Variants in TIA1 observed in about 807,000 individuals in gnomAD.
TIA1 encodes the protein TIA1 cytotoxic granule associated RNA binding protein.
A neutral mutation model predicts 65.9 loss-of-function variants in TIA1; 23 were observed. The ratio of observed to expected loss-of-function variants is 0.35; its 90% CI spans 0.25 to 0.49. TIA1 has a LOEUF of 0.49. Among genes scored for constraint, TIA1 ranks in the 20% least tolerant of loss-of-function variants. TIA1 has a pLI of 0.98. For missense variants in TIA1, 371 were observed against 477.9 expected (o/e 0.78, Z 2.09); for synonymous variants, 147 against 149.4 (o/e 0.98, Z 0.12).
chr2:70,244,371 GCCTATTA>G (rs1199583733), intron 1 of TIA1, among the ~76,000 whole-genome samples: 1 of 152,056 alleles, frequency 6.6e-6, no homozygotes, highest in Non-Finnish European at 1.5e-5. Flanking sequence ...TTCGTAAAAG[GCCTATTA>G]TATGTACTAC....
chr2:70,226,158 A>C (rs1683703276), intron 6 of TIA1, among the ~76,000 whole-genome samples: 1 of 152,156 alleles, frequency 6.6e-6, no homozygotes, highest in Non-Finnish European at 1.5e-5. Context: ...CCAAGAAAAA[A>C]AAAGTATACA....
At chr2:70,229,378 G>C (rs1573505505) in intron 3 of TIA1, 60 bp from the exon 4 acceptor site, 1 of 1,410,998 alleles carries the variant, frequency 7.1e-7, no homozygotes, top group Non-Finnish European at 9.9e-7. Flanking sequence ...AATCACATTT[G>C]TATCTATAAA....
chr2:70,230,968 T>C (rs1686005513), intron 2 of TIA1, 114 bp from the exon 3 acceptor site: 2 of 699,018 alleles, frequency 2.9e-6, no homozygotes, highest in Non-Finnish European at 2.4e-6. Flanking sequence ...TATCAGGCCA[T>C]GGAGAATGAA....
At position 70,218,973 on chromosome 2, in the gene TIA1, G is replaced by C. The variant is rs72902468; in HGVS notation, c.475-1979C>G. The stretch of plus-strand genomic sequence containing the variant: ...TAGGTTCCTCTAGAGAAATTGGAAA[G>C]ACAGCATTTATTGAAATGCGGAGAA... On this transcript the variant is annotated intron_variant, in intron 7 of 12. Coordinates refer to ENST00000433529, the MANE Select transcript of TIA1 (RefSeq NM_022173.4). Among the ~76,000 whole-genome samples, 1,049 of 152,324 alleles carry C rather than the reference G, an allele frequency of 6.9e-3. 13 individuals carry two copies. The highest frequency in any genetic ancestry group is 0.024 in the African/African-American group (1,011 of 41,578).
At chr2:70,223,872 G>A (rs761819127) in intron 7 of TIA1, among the ~76,000 whole-genome samples, 36 of 151,976 alleles carry the variant, frequency 2.4e-4, no homozygotes, top group Non-Finnish European at 4.4e-4. Context: ...CACTGTGCCC[G>A]GGTAATATTT....
rs573586044 is a variant in TIA1, at chr2:70,227,245, T to TA, written c.398+489dup. On this transcript the variant is annotated intron_variant, in intron 6 of 12. Transcript: ENST00000433529. The stretch of plus-strand genomic sequence containing the variant: ...AAGGCAGTGCTTCATAAAATATTAT[T>TA]AAGGCACTATTATTGTTAGCAGTTT... Among the ~76,000 whole-genome samples the TA allele has an allele frequency of 6.4e-4, 97 of 152,286 alleles. 2 individuals are homozygous for TA. The East Asian group carries it at 0.018, about 28-fold the overall frequency.
At chr2:70,248,304 C>T (rs1695395192) in intron 1 of TIA1, 101 bp downstream of exon 1, 5 of 1,348,972 alleles carry the variant, frequency 3.7e-6, no homozygotes, top group South Asian at 1.4e-5. Context: ...CACGATATCG[C>T]GGTGTCCACG....
In TIA1 at chr2:70,211,725, A is replaced by T. The variant is rs1676537874; in HGVS notation, c.*994T>A. The T allele has an allele frequency of 6.6e-6, 1 of 152,664 alleles. No homozygotes were observed. The highest frequency in any genetic ancestry group is 1.5e-5 in the Non-Finnish European group (1 of 68,042). The allele number at this position is 152,664 out of a possible 1,614,324, so 9.5% of individuals were successfully genotyped here. On this transcript the variant is annotated 3_prime_UTR_variant, in exon 13 of 13. Coordinates refer to ENST00000433529, the MANE Select transcript of TIA1 (RefSeq NM_022173.4). ...ATGTATTTGATTTTCACATGCAAAC[A>T]ACTTAAAACCTTATAAATCTCATGT...
chr2:70,227,698 C>A, intron 6 of TIA1, 37 bp downstream of exon 6: 1 of 1,370,502 alleles, frequency 7.3e-7, no homozygotes, highest in South Asian at 1.3e-5. Context: ...ATAATTGTTT[C>A]TAATTAAAAG....
At position 70,211,757 on chromosome 2, in the gene TIA1, T is replaced by A. The variant is rs1039262123; in HGVS notation, c.*962A>T. On this transcript the variant is annotated 3_prime_UTR_variant, in exon 13 of 13. Coordinates refer to ENST00000433529, the MANE Select transcript of TIA1 (RefSeq NM_022173.4). Reference sequence around the variant, plus strand: ...AACCTTATAAATCTCATGTCAACTCTGCATGATGCCTTGAAGGAAATGACA... The same window carrying A: ...AACCTTATAAATCTCATGTCAACTCAGCATGATGCCTTGAAGGAAATGACA... The A allele has an allele frequency of 3.3e-5, 5 of 152,652 alleles. No homozygotes were observed. Among genetic ancestry groups the A allele is most frequent in the African/African-American group, 9.6e-5 (4 of 41,466 alleles). 9.5% of individuals were successfully genotyped at this position (152,652 alleles called of 1,614,324 possible).
intron 7 of TIA1, among the ~76,000 whole-genome samples, chr2:70,221,525 G>A (rs941514603): frequency 6.6e-6 from 1 of 151,970 alleles, no homozygotes; most frequent in Non-Finnish European, 1.5e-5. Context: ...AGAAGGAATA[G>A]AGTGATGACA....
chr2:70,211,759 C>T lies in TIA1; in HGVS notation c.*960G>A, dbSNP rs756381096. 2 of 152,610 alleles carry T rather than the reference C, an allele frequency of 1.3e-5. No individual in the cohort carries two copies. Among genetic ancestry groups the T allele is most frequent in the Non-Finnish European group, 2.9e-5 (2 of 68,036 alleles). 9.5% of individuals were successfully genotyped at this position (152,610 alleles called of 1,614,324 possible). A position where few individuals can be genotyped will look rare whatever the true frequency, so the allele number is the denominator to read the frequency against. ...CCTTATAAATCTCATGTCAACTCTG[C>T]ATGATGCCTTGAAGGAAATGACATA... On this transcript the variant is annotated 3_prime_UTR_variant, in exon 13 of 13. Coordinates refer to ENST00000433529, the MANE Select transcript of TIA1 (RefSeq NM_022173.4).
intron 2 of TIA1, 62 bp downstream of exon 2, chr2:70,236,017 A>G: frequency 2.1e-6 from 2 of 973,808 alleles, no homozygotes; most frequent in Non-Finnish European, 3.1e-6. Flanking sequence ...CCTTCCAAGC[A>G]ATGGCTTTAA....
intron 7 of TIA1, among the ~76,000 whole-genome samples, chr2:70,218,568 G>A (rs932017347): frequency 6.6e-6 from 1 of 152,080 alleles, no homozygotes; most frequent in Non-Finnish European, 1.5e-5. Context: ...CACCAAGCCC[G>A]GCTAATTTTT....
At chr2:70,216,322 T>C in intron 9 of TIA1, 30 bp from the exon 10 acceptor site, 1 of 1,577,854 alleles carries the variant, frequency 6.3e-7, no homozygotes, top group Non-Finnish European at 8.6e-7. Context: ...AACAAACAAA[T>C]CACACTAAGT....
intron 12 of TIA1, 123 bp from the exon 13 acceptor site, chr2:70,212,968 A>C: frequency 1.5e-6 from 1 of 667,414 alleles, no homozygotes; most frequent in East Asian, 2.7e-5. Context: ...CTTAATCCCA[A>C]ATAGAATAAT....
chr2:70,213,349 T>C (rs1558743628), intron 12 of TIA1, among the ~76,000 whole-genome samples: 1 of 151,216 alleles, frequency 6.6e-6, no homozygotes, highest in African/African-American at 2.4e-5. Flanking sequence ...TCTTTTCTTT[T>C]TTTTTTTTTT....
intron 2 of TIA1, among the ~76,000 whole-genome samples, chr2:70,233,526 T>C (rs942384287): frequency 2.6e-5 from 4 of 152,204 alleles, no homozygotes; most frequent in Middle Eastern, 3.4e-3. Context: ...CCCAGCACTT[T>C]GGGAAGCTGG....
chr2:70,219,239 GGGA>G (rs35977949), intron 7 of TIA1, among the ~76,000 whole-genome samples: 9,317 of 152,208 alleles, frequency 0.061, 355 homozygotes, highest in East Asian at 0.18. Flanking sequence ...AAGGTGACTA[GGGA>G]GGAGTAGCCA....
Sources: gnomAD v4.1 joint callset for allele counts (sites outside exome capture counted in the v4.1 genomes callset) on GRCh38, gnomAD v4.1.1 for gene constraint, MANE v1.5 for transcripts, NCBI Gene and HGNC (gene_info 2026-07-23, HGNC 2026-07-21) for gene names.